The following ROBO1 variants were observed in gnomAD, a reference collection of about 807,000 sequenced individuals.
ROBO1 encodes roundabout homolog 1.
A neutral mutation model predicts 195.9 loss-of-function variants in ROBO1; 149 were observed. The observed-to-expected ratio is 0.76, with a 90% CI of 0.67 to 0.87. The LOEUF is 0.87. ROBO1 is among the 40% of genes least tolerant of loss of function. ROBO1 has a pLI of 0.00. For missense variants in ROBO1, 1,933 were observed against 2,068.3 expected, an observed-to-expected ratio of 0.93 and a Z score of 1.27; for synonymous variants, 816 against 733.2, an observed-to-expected ratio of 1.11 and a Z score of -1.82.
intron 1 of ROBO1, among the ~76,000 whole-genome samples, chr3:79,627,271 C>A (rs1232571577): frequency 6.6e-6 from 1 of 152,106 alleles, no homozygotes; most frequent in African/African-American, 2.4e-5. Flanking sequence ...CTATAGTAAC[C>A]AAAGCAGCAT....
intron 1 of ROBO1, among the ~76,000 whole-genome samples, chr3:79,626,142 A>T (rs1165243146): frequency 1.3e-5 from 2 of 152,156 alleles, no homozygotes; most frequent in Non-Finnish European, 2.9e-5. Flanking sequence ...AAAATTCAAC[A>T]TCCTTTCATG....
chr3:79,348,382 G>A (rs952902425), intron 2 of ROBO1, among the ~76,000 whole-genome samples: 1 of 152,036 alleles, frequency 6.6e-6, no homozygotes, highest in Non-Finnish European at 1.5e-5. Flanking sequence ...ATATTCAAAT[G>A]CATGCATTTG....
In ROBO1 at chr3:79,547,184, C is replaced by CAAAAAA. The variant is rs1162585941; in HGVS notation, c.88+42634_88+42639dup. ...TGGCAGACAGAGCGAGACTCCGCCTCAAAAAAAAAAAAAAAAAAAAAAAAA... is the reference window on the plus strand; with the variant it reads ...TGGCAGACAGAGCGAGACTCCGCCTCAAAAAAAAAAAAAAAAAAAAAAAAAAAAAAA... On this transcript the variant is annotated intron_variant, in intron 2 of 30. Transcript: ENST00000464233. 8.5e-3 allele frequency among the ~76,000 whole-genome samples: 198 copies of CAAAAAA among 23,272 alleles called. 23 individuals are homozygous for CAAAAAA. Among genetic ancestry groups the CAAAAAA allele is most frequent in the African/African-American group, 0.011 (77 of 6,898 alleles). 15.3% of individuals were successfully genotyped at this position (23,272 alleles called of 152,430 possible). A position where few individuals can be genotyped will look rare whatever the true frequency, so the allele number is the denominator to read the frequency against.
At position 79,532,722 on chromosome 3, in the gene ROBO1, C is replaced by A. The variant is rs146688673; in HGVS notation, c.88+57102G>T. ...TTGCTATTGTCAAAAAGCAAACAAACAAACTTGGAGGTTTTAAACAATCTA... is the reference window on the plus strand; with the variant it reads ...TTGCTATTGTCAAAAAGCAAACAAAAAAACTTGGAGGTTTTAAACAATCTA... On this transcript the variant is annotated intron_variant, in intron 2 of 30. Transcript: ENST00000464233. 3.2e-3 allele frequency among the ~76,000 whole-genome samples: 483 copies of A among 152,240 alleles called. 2 individuals carry two copies. Among genetic ancestry groups the A allele is most frequent in the African/African-American group, 0.01 (432 of 41,560 alleles).
intron 2 of ROBO1, among the ~76,000 whole-genome samples, chr3:79,429,218 A>AT (rs1434994925): frequency 6.6e-6 from 1 of 152,140 alleles, no homozygotes; most frequent in Non-Finnish European, 1.5e-5. Flanking sequence ...CAAGGGCCAT[A>AT]CATACACTCC....
intron 4 of ROBO1, among the ~76,000 whole-genome samples, chr3:78,886,689 A>G (rs2036590961): frequency 6.6e-6 from 1 of 152,172 alleles, no homozygotes; most frequent in African/African-American, 2.4e-5. Flanking sequence ...ATAAATTATT[A>G]TTACATATAC....
At chr3:78,995,716 T>C (rs766315750) in intron 3 of ROBO1, among the ~76,000 whole-genome samples, 68 of 149,132 alleles carry the variant, frequency 4.6e-4, no homozygotes, top group Non-Finnish European at 7.6e-4. Flanking sequence ...CAGTGAACTA[T>C]GATGGTGCCA....
At chr3:78,891,787 A>G (rs189370730) in intron 4 of ROBO1, among the ~76,000 whole-genome samples, 1 of 152,370 alleles carries the variant, frequency 6.6e-6, no homozygotes, top group Non-Finnish European at 1.5e-5. Flanking sequence ...TGATGTGTGT[A>G]AACTCATAGA....
chr3:78,855,169 TTGAATGG>T (rs1265525607), intron 4 of ROBO1, among the ~76,000 whole-genome samples: 1 of 152,064 alleles, frequency 6.6e-6, no homozygotes, highest in Non-Finnish European at 1.5e-5. Context: ...CACTAAACAC[TTGAATGG>T]TACCTTGATC....
At chr3:79,466,767 T>C (rs1371671424) in intron 2 of ROBO1, among the ~76,000 whole-genome samples, 2 of 152,214 alleles carry the variant, frequency 1.3e-5, no homozygotes, top group African/African-American at 4.8e-5. Flanking sequence ...TTTATTAATT[T>C]ACTTAGAGAA....
intron 1 of ROBO1, among the ~76,000 whole-genome samples, chr3:79,737,843 G>A (rs1339263114): frequency 3.9e-5 from 6 of 152,132 alleles, no homozygotes; most frequent in Non-Finnish European, 7.4e-5. Context: ...ATTTCCCCCT[G>A]CAGTCTTTCT....
intron 2 of ROBO1, among the ~76,000 whole-genome samples, chr3:79,231,895 C>T (rs760662764): frequency 2.6e-5 from 4 of 151,956 alleles, no homozygotes; most frequent in Non-Finnish European, 5.9e-5. Context: ...TAAAAAAGAA[C>T]AAGATCACAT....
chr3:78,677,353 G>A (rs550388973), intron 10 of ROBO1, among the ~76,000 whole-genome samples: 2,179 of 152,146 alleles, frequency 0.014, 37 homozygotes, highest in African/African-American at 0.05. Context: ...TGGACTAAAT[G>A]CTCCAATTAA....
chr3:79,141,501 C>T (rs1419084969), intron 2 of ROBO1, among the ~76,000 whole-genome samples: 1 of 151,824 alleles, frequency 6.6e-6, no homozygotes. Context: ...CGAGGCTTAC[C>T]CCCGATTCAT....
At chr3:78,637,283 G>A (rs558742638) in intron 22 of ROBO1, among the ~76,000 whole-genome samples, 27 of 152,164 alleles carry the variant, frequency 1.8e-4, no homozygotes, top group Non-Finnish European at 3.5e-4. Context: ...TGAACCGTCA[G>A]GGAACAGAAA....
chr3:78,858,366 T>C (rs1576300776), intron 4 of ROBO1, among the ~76,000 whole-genome samples: 1 of 152,176 alleles, frequency 6.6e-6, no homozygotes, highest in Non-Finnish European at 1.5e-5. Context: ...TCACCTAAAC[T>C]GCTGTCACTA....
At chr3:79,376,047 C>T (rs969868878) in intron 2 of ROBO1, among the ~76,000 whole-genome samples, 3 of 152,204 alleles carry the variant, frequency 2.0e-5, no homozygotes, top group South Asian at 2.1e-4. Flanking sequence ...ATTTCCAATC[C>T]GTGTAACCTA....
chr3:79,690,347 A>G (rs1947263446), intron 1 of ROBO1, among the ~76,000 whole-genome samples: 1 of 152,018 alleles, frequency 6.6e-6, no homozygotes, highest in Non-Finnish European at 1.5e-5. Flanking sequence ...AGATGTGAAG[A>G]GTGATGAGAG....
intron 2 of ROBO1, among the ~76,000 whole-genome samples, chr3:79,302,167 T>C (rs2032992390): frequency 6.6e-6 from 1 of 152,216 alleles, no homozygotes. Context: ...CATGTCTGGG[T>C]AATCTAATCA....
Sources: allele counts gnomAD v4.1 joint callset (sites outside exome capture counted in the v4.1 genomes callset), GRCh38; gene constraint gnomAD v4.1.1; transcripts MANE v1.5; gene names NCBI Gene and HGNC (gene_info 2026-07-23, HGNC 2026-07-21).